Variants in KIAA1328 observed in about 807,000 individuals in gnomAD.
KIAA1328 encodes protein hinderin.
KIAA1328 carries 52 observed loss-of-function variants against 68.1 expected under a neutral mutation model. The observed-to-expected ratio is 0.76, with a 90% CI of 0.61 to 0.96. The LOEUF is 0.96. Among genes scored for constraint, KIAA1328 ranks in the 40% least tolerant of loss-of-function variants. KIAA1328 has a pLI of 0.00. For synonymous variants in KIAA1328, 232 were observed against 239.4 expected (o/e 0.97, Z 0.28); for missense variants, 641 against 677.6 (o/e 0.95, Z 0.60).
Position 36,984,904 on chromosome 18 carries a change from CAAAA to C in KIAA1328, c.576+25490_576+25493del, listed in dbSNP as rs56357519. ...CTGGAGACAGAGCAAGACTCCATCTCAAAAAAAAAAAAAAAAAAAAAAAATTAAG... is the reference window on the plus strand; with the variant it reads ...CTGGAGACAGAGCAAGACTCCATCTCAAAAAAAAAAAAAAAAAAAATTAAG... On this transcript the variant is annotated intron_variant, in intron 6 of 9. Coordinates refer to ENST00000280020, the MANE Select transcript of KIAA1328 (RefSeq NM_020776.3). Among the ~76,000 whole-genome samples the C allele has an allele frequency of 6.4e-3, 514 of 80,714 alleles. 1 individual carries two copies. Among genetic ancestry groups the C allele is most frequent in the African/African-American group, 0.013 (273 of 20,246 alleles). 53.0% of individuals were successfully genotyped at this position (80,714 alleles called of 152,430 possible). A position where few individuals can be genotyped will look rare whatever the true frequency, so the allele number is the denominator to read the frequency against.
intron 5 of KIAA1328, chr18:36,886,389 A>G (rs1463666176): frequency 6.6e-6 from 1 of 152,234 alleles, no homozygotes; most frequent in Admixed American, 6.5e-5. Flanking sequence ...AAATTAAAAA[A>G]AAATTGTTTT....
intron 5 of KIAA1328, among the ~76,000 whole-genome samples, chr18:36,916,847 C>T (rs2049721952): frequency 6.6e-6 from 1 of 151,690 alleles, no homozygotes; most frequent in Non-Finnish European, 1.5e-5. Context: ...TTCCTGGGCT[C>T]AAGTAATCCT....
chr18:37,053,558 A>G (rs1340023889), intron 6 of KIAA1328, among the ~76,000 whole-genome samples: 1 of 152,196 alleles, frequency 6.6e-6, no homozygotes, highest in Non-Finnish European at 1.5e-5. Flanking sequence ...CAGCCTTAAG[A>G]ATAGTATTAG....
intron 7 of KIAA1328, among the ~76,000 whole-genome samples, chr18:37,100,401 G>A (rs1202518485): frequency 4.6e-5 from 7 of 152,210 alleles, no homozygotes; most frequent in Non-Finnish European, 8.8e-5. Flanking sequence ...AGGGTCCTAT[G>A]CCCACAGAGC....
At chr18:37,150,987 G>A (rs892771840) in intron 7 of KIAA1328, among the ~76,000 whole-genome samples, 4 of 152,122 alleles carry the variant, frequency 2.6e-5, no homozygotes, top group Non-Finnish European at 5.9e-5. Context: ...ATATTGGGAA[G>A]AAGTAAGTGA....
At chr18:37,146,406 A>T (rs1436840864) in intron 7 of KIAA1328, among the ~76,000 whole-genome samples, 2 of 152,154 alleles carry the variant, frequency 1.3e-5, no homozygotes, top group Non-Finnish European at 2.9e-5. Flanking sequence ...CCATGTTCCC[A>T]CAAAAGACAT....
downstream of KIAA1328, among the ~76,000 whole-genome samples, chr18:37,226,747 A>G (rs1303546288): frequency 6.9e-6 from 1 of 144,504 alleles, no homozygotes; most frequent in Non-Finnish European, 1.5e-5. Flanking sequence ...ATTATGAAGA[A>G]TGCTGCCATG....
chr18:37,213,908 A>G (rs2060370528), intron 9 of KIAA1328, among the ~76,000 whole-genome samples: 1 of 152,186 alleles, frequency 6.6e-6, no homozygotes, highest in Non-Finnish European at 1.5e-5. Flanking sequence ...AGTGATGATG[A>G]GCATTTTTTC....
chr18:36,842,676 T>TTA (rs1436702668), intron 3 of KIAA1328, among the ~76,000 whole-genome samples: 22 of 146,248 alleles, frequency 1.5e-4, no homozygotes, highest in African/African-American at 4.7e-4. Flanking sequence ...AATTATTTAT[T>TTA]TTTTTTTTTT....
chr18:36,953,468 A>C (rs1300038300), intron 5 of KIAA1328, among the ~76,000 whole-genome samples: 3 of 150,528 alleles, frequency 2.0e-5, no homozygotes, highest in Non-Finnish European at 4.4e-5. Flanking sequence ...AAATATAGAA[A>C]TATATACATA....
At chr18:36,988,021 T>C (rs1456575804) in intron 6 of KIAA1328, among the ~76,000 whole-genome samples, 1 of 152,154 alleles carries the variant, frequency 6.6e-6, no homozygotes, top group Non-Finnish European at 1.5e-5. Flanking sequence ...GTATAGCCGT[T>C]ATCCTAACAA....
intron 4 of KIAA1328, among the ~76,000 whole-genome samples, chr18:36,879,132 G>T (rs1189540716): frequency 6.6e-6 from 1 of 151,988 alleles, no homozygotes; most frequent in African/African-American, 2.4e-5. Flanking sequence ...TTTTGTGCTG[G>T]TTTTTCCTCA....
At chr18:36,928,948 A>G (rs1337800294) in intron 5 of KIAA1328, among the ~76,000 whole-genome samples, 1 of 152,016 alleles carries the variant, frequency 6.6e-6, no homozygotes, top group African/African-American at 2.4e-5. Context: ...CTTAATTTCA[A>G]GTTCTTATAT....
chr18:36,869,018 A>AT (rs1453498356), intron 4 of KIAA1328, among the ~76,000 whole-genome samples: 1 of 147,494 alleles, frequency 6.8e-6, no homozygotes, highest in African/African-American at 2.5e-5. Flanking sequence ...AGAGGGCCTA[A>AT]TTTTTCAGTG....
intron 6 of KIAA1328, among the ~76,000 whole-genome samples, chr18:37,053,312 T>A (rs2151674447): frequency 6.6e-6 from 1 of 152,298 alleles, no homozygotes; most frequent in South Asian, 2.1e-4. Context: ...GACTCTTATC[T>A]TTTACCATAT....
At chr18:37,024,623 CGGTGTTT>C (rs2054492024) in intron 6 of KIAA1328, among the ~76,000 whole-genome samples, 1 of 150,314 alleles carries the variant, frequency 6.7e-6, no homozygotes. Flanking sequence ...TGAGAACATG[CGGTGTTT>C]GGTTTTCTGT....
At chr18:36,849,948 T>C (rs2047157850) in intron 4 of KIAA1328, among the ~76,000 whole-genome samples, 2 of 152,162 alleles carry the variant, frequency 1.3e-5, no homozygotes, top group Admixed American at 6.6e-5. Context: ...TGGCTAATGA[T>C]ACTGAAAAAT....
chr18:37,071,539 T>A (rs2056534873), intron 7 of KIAA1328, among the ~76,000 whole-genome samples: 1 of 152,160 alleles, frequency 6.6e-6, no homozygotes. Context: ...TTATATAGCA[T>A]TGACATTATA....
At chr18:36,965,727 C>G (rs1427509138) in intron 6 of KIAA1328, among the ~76,000 whole-genome samples, 2 of 150,676 alleles carry the variant, frequency 1.3e-5, no homozygotes, top group Non-Finnish European at 3.0e-5. Flanking sequence ...ACTTCCTATT[C>G]TGTGACTACT....
Sources: allele counts gnomAD v4.1 joint callset (sites outside exome capture counted in the v4.1 genomes callset), GRCh38; gene constraint gnomAD v4.1.1; transcripts MANE v1.5; gene names NCBI Gene and HGNC (gene_info 2026-07-23, HGNC 2026-07-21).